ACSF3: variants seen among roughly 807,000 people sequenced by gnomAD.
ACSF3 encodes malonate--CoA ligase ACSF3, mitochondrial.
In ACSF3, 78 loss-of-function variants were observed where a neutral mutation model predicts 53.2. The ratio of observed to expected loss-of-function variants is 1.47; its 90% CI spans 1.22 to 1.77. The LOEUF (loss-of-function observed/expected upper bound fraction) is 1.77, where lower values mean the gene tolerates loss of function less well. Among genes scored for constraint, ACSF3 ranks in the 40% most tolerant of loss-of-function variants. The pLI is 0.00. For missense variants in ACSF3, 937 were observed against 771.1 expected, an observed-to-expected ratio of 1.22 and a Z score of -2.55; for synonymous variants, 414 against 333.1, an observed-to-expected ratio of 1.24 and a Z score of -2.65.
intron 7 of ACSF3, among the ~76,000 whole-genome samples, chr16:89,130,477 G>A (rs1909048531): frequency 6.6e-6 from 1 of 152,088 alleles, no homozygotes; most frequent in Non-Finnish European, 1.5e-5. Flanking sequence ...GGGAGGCTGA[G>A]GCTGGAGGAT....
Position 89,145,310 on chromosome 16 carries a change from C to G in ACSF3, c.1410C>G (p.Gly470=), listed in dbSNP as rs1912704218. Reference sequence around the variant, plus strand: ...AGGATGGCCAGTACTGGATCCGAGGCCGGACCTCAGTGGACATCATCAAGA... The same window carrying G: ...AGGATGGCCAGTACTGGATCCGAGGGCGGACCTCAGTGGACATCATCAAGA... ...VFKDGQYWIR[G]RTSVDIIKTG... The change falls in exon 9 of 11, where the codon GGC becomes GGG. Residue 470 remains glycine (G), a synonymous_variant. Transcript: ENST00000614302. 4 of 1,614,164 alleles carry G rather than the reference C, an allele frequency of 2.5e-6. No individual in the cohort carries two copies. The highest frequency in any genetic ancestry group is 3.4e-6 in the Non-Finnish European group (4 of 1,180,028).
rs2151588986 is a variant in ACSF3, at chr16:89,155,631, G to A, written c.*1424G>A. The A allele has an allele frequency of 2.2e-6, 1 of 454,090 alleles. No individual in the cohort carries two copies. The highest frequency in any genetic ancestry group is 2.3e-5 in the Admixed American group (1 of 42,574). The allele number at this position is 454,090 out of a possible 1,614,324, so 28.1% of individuals were successfully genotyped here. A position where few individuals can be genotyped will look rare whatever the true frequency, so the allele number is the denominator to read the frequency against. ...GGTCCCGCCCTCCCGCCAGAGGCCT[G>A]GACCCAAGGGAACGGCAGTCAGAGA... is the stretch of plus-strand genomic sequence containing the variant. On this transcript the variant is annotated 3_prime_UTR_variant, in exon 11 of 11. Coordinates refer to ENST00000614302, the MANE Select transcript of ACSF3 (RefSeq NM_001243279.3).
intron 8 of ACSF3, among the ~76,000 whole-genome samples, chr16:89,137,340 G>A (rs1910765234): frequency 6.7e-6 from 1 of 149,400 alleles, no homozygotes; most frequent in Non-Finnish European, 1.5e-5. Flanking sequence ...AGAGCCCCGG[G>A]TCTCGGGAGG....
chr16:89,145,883 C>A, intron 9 of ACSF3, 55 bp from the exon 10 acceptor site: 1 of 1,471,446 alleles, frequency 6.8e-7, no homozygotes, highest in Non-Finnish European at 9.5e-7. Flanking sequence ...CACTCTTCGG[C>A]CTGTAAGGGT....
chr16:89,102,670 C>T lies in ACSF3; in HGVS notation c.733C>T (p.His245Tyr), dbSNP rs1444464322. The T allele has an allele frequency of 2.5e-6, 4 of 1,613,924 alleles. No homozygotes were observed. Among genetic ancestry groups the T allele is most frequent in the Non-Finnish European group, 3.4e-6 (4 of 1,180,032 alleles). ...DDVILHVLPL[H>Y]HVHGVVNALL... ...CGTGATCCTCCACGTGCTCCCGCTG[C>T]ACCACGTCCATGGTGTGGTCAACGC... Residue 245 changes from histidine (H) to tyrosine (Y), a missense_variant, in exon 4 of 11, where the codon CAC becomes TAC. Physicochemically the swap from His to Tyr is moderately conservative, Grantham distance 83 (BLOSUM62 2). Coordinates refer to ENST00000614302, the MANE Select transcript of ACSF3 (RefSeq NM_001243279.3).
chr16:89,122,403 G>C, intron 7 of ACSF3: 1 of 452,024 alleles, frequency 2.2e-6, no homozygotes, highest in South Asian at 1.6e-5. Flanking sequence ...GTCCTGACAT[G>C]CCTCTCCTGG....
rs1397956959 is a variant in ACSF3 at position 89,154,950 on chromosome 16, CCT to C, written c.*749_*750del. ...CACACCAGCCCCTCAGCCGGTGAAC[CCT>C]CTCTCCCATCACCGTCTCCACCCAG... is the stretch of plus-strand genomic sequence containing the variant. On this transcript the variant is annotated 3_prime_UTR_variant, in exon 11 of 11. Coordinates refer to ENST00000614302, the MANE Select transcript of ACSF3 (RefSeq NM_001243279.3). 1.1e-5 allele frequency: 5 copies of C among 453,826 alleles called. No homozygotes were observed. The highest frequency in any genetic ancestry group is 8.0e-5 in the African/African-American group (4 of 49,972). The allele number at this position is 453,826 out of a possible 1,614,324, so 28.1% of individuals were successfully genotyped here.
At chr16:89,141,029 G>A (rs1431159331) in intron 8 of ACSF3, 1 of 1,246,440 alleles carries the variant, frequency 8.0e-7, no homozygotes, top group Non-Finnish European at 1.0e-6. Context: ...GTTATGGAAA[G>A]TAAAGGTTAT....
intron 3 of ACSF3, among the ~76,000 whole-genome samples, chr16:89,101,961 G>A (rs1200801172): frequency 2.6e-5 from 4 of 152,216 alleles, no homozygotes; most frequent in Non-Finnish European, 5.9e-5. Context: ...TCCTGGAAGC[G>A]GCGCGCCTGT....
chr16:89,132,967 C>T (rs1909645225), intron 7 of ACSF3, among the ~76,000 whole-genome samples, 169 bp from the exon 8 acceptor site: 1 of 152,234 alleles, frequency 6.6e-6, no homozygotes, highest in Admixed American at 6.5e-5. Context: ...GGTTGGCTTC[C>T]ACCTGTCAAA....
chr16:89,128,116 C>G (rs1235401874), intron 7 of ACSF3, among the ~76,000 whole-genome samples: 5 of 151,556 alleles, frequency 3.3e-5, no homozygotes, highest in African/African-American at 1.2e-4. Flanking sequence ...TTCTCTTTTT[C>G]TAGTTGCTTA....
At chr16:89,140,122 G>T (rs1477151354) in intron 8 of ACSF3, among the ~76,000 whole-genome samples, 1 of 152,240 alleles carries the variant, frequency 6.6e-6, no homozygotes, top group Middle Eastern at 3.2e-3. Flanking sequence ...GGGTCCAGGT[G>T]CAGAAGCCTC....
At chr16:89,145,141 C>T (rs1427588661) in intron 8 of ACSF3, 126 bp from the exon 9 acceptor site, 4 of 1,608,182 alleles carry the variant, frequency 2.5e-6, no homozygotes, top group Non-Finnish European at 3.4e-6. Context: ...AGGGTAGTAA[C>T]CAGAGCCCCC....
intron 7 of ACSF3, among the ~76,000 whole-genome samples, chr16:89,126,542 T>A (rs957046530): frequency 4.6e-5 from 7 of 152,256 alleles, no homozygotes; most frequent in Admixed American, 4.6e-4. Flanking sequence ...ATGCTGAGAT[T>A]ACAGGCATGA....
chr16:89,145,985 A>C lies in ACSF3; in HGVS notation c.1549A>C (p.Thr517Pro). ...VPDMTWGQRVTAVVTLREGHS... is the reference protein window; with the variant it reads ...VPDMTWGQRVPAVVTLREGHS... The stretch of plus-strand genomic sequence containing the variant: ...GGATATGACATGGGGCCAGCGGGTC[A>C]CTGCTGTGGTGACCCTCCGAGAAGG... Residue 517 changes from threonine (T) to proline (P), a missense_variant, in exon 10 of 11, where the codon ACT (threonine) becomes CCT (proline). Thr to Pro is a conservative substitution (Grantham distance 38, BLOSUM62 -1). Transcript: ENST00000614302. The C allele has an allele frequency of 6.2e-7, 1 of 1,606,046 alleles. No homozygotes were observed. Among genetic ancestry groups the C allele is most frequent in the African/African-American group, 1.3e-5 (1 of 74,314 alleles).
At chr16:89,144,301 G>A (rs1189096604) in intron 8 of ACSF3, among the ~76,000 whole-genome samples, 3 of 152,382 alleles carry the variant, frequency 2.0e-5, no homozygotes, top group South Asian at 2.1e-4. Context: ...ACGGGGAGGA[G>A]CAAGGGCCAC....
chr16:89,137,078 G>GAGCAGC (rs370360436), intron 8 of ACSF3, among the ~76,000 whole-genome samples: 3 of 152,136 alleles, frequency 2.0e-5, no homozygotes, highest in Non-Finnish European at 2.9e-5. Context: ...GCAGATGCGG[G>GAGCAGC]AGCAGCAGCA....
In ACSF3 at chr16:89,120,817, A is replaced by C. The variant is rs1298686592; in HGVS notation, c.1143A>C (p.Pro381=). 1 of 1,613,984 alleles carries C rather than the reference A, an allele frequency of 6.2e-7. No individual in the cohort carries two copies. The highest frequency in any genetic ancestry group is 2.2e-5 in the East Asian group (1 of 44,856). ...CTCCTGTAGGTTCCGTGGGGACCCC[A>C]CTGCCTGGAGTACAGGTGCGCATTG... ...AVRLPGSVGT[P]LPGVQVRIVS... The change falls in exon 7 of 11, where the codon CCA becomes CCC. Residue 381 remains proline (P), a synonymous_variant. Transcript: ENST00000614302.
chr16:89,099,797 TAGAC>T (rs1175519641), intron 2 of ACSF3, among the ~76,000 whole-genome samples: 2 of 146,368 alleles, frequency 1.4e-5, no homozygotes, highest in African/African-American at 5.1e-5. Flanking sequence ...GATAGATAGA[TAGAC>T]AGAGCGGGTG....
Sources: gnomAD v4.1 joint callset for allele counts (sites outside exome capture counted in the v4.1 genomes callset) on GRCh38, gnomAD v4.1.1 for gene constraint, MANE v1.5 for transcripts, NCBI Gene and HGNC (gene_info 2026-07-23, HGNC 2026-07-21) for gene names.